Variants in IFT57 observed in about 807,000 individuals in gnomAD.
IFT57 encodes intraflagellar transport protein 57 homolog.
Under a neutral mutation model 56.8 loss-of-function variants are expected in IFT57, and 59 were observed. That is an observed-to-expected ratio of 1.04 (90% CI 0.84 to 1.29). The LOEUF (loss-of-function observed/expected upper bound fraction) is 1.29, where lower values mean the gene tolerates loss of function less well. Among genes scored for constraint, IFT57 ranks in the 50% most tolerant of loss-of-function variants. The probability of loss-of-function intolerance (pLI) is 0.00; values close to 1 mark genes in which losing one functional copy is unlikely to be tolerated. For missense variants in IFT57, 470 were observed against 522.1 expected (o/e 0.90, Z 0.97); for synonymous variants, 209 against 186.1 (o/e 1.12, Z -1.00).
intron 5 of IFT57, among the ~76,000 whole-genome samples, chr3:108,196,115 T>C (rs2080243244): frequency 6.6e-6 from 1 of 151,984 alleles, no homozygotes; most frequent in African/African-American, 2.4e-5. Flanking sequence ...CCCATAAATA[T>C]GCACTATGTG....
At chr3:108,202,523 G>T (rs573871583) in intron 5 of IFT57, among the ~76,000 whole-genome samples, 7 of 152,214 alleles carry the variant, frequency 4.6e-5, no homozygotes, top group African/African-American at 1.7e-4. Context: ...GGGTAGCTTT[G>T]GCTAAATTTC....
At chr3:108,166,054 G>A (rs2080060895) in intron 8 of IFT57, among the ~76,000 whole-genome samples, 1 of 152,004 alleles carries the variant, frequency 6.6e-6, no homozygotes, top group Non-Finnish European at 1.5e-5. Flanking sequence ...TGTATATGAA[G>A]GAATAATACA....
intron 6 of IFT57, among the ~76,000 whole-genome samples, chr3:108,179,747 T>C (rs1480440874): frequency 6.6e-6 from 1 of 152,014 alleles, no homozygotes; most frequent in African/African-American, 2.4e-5. Context: ...AAATGCCCAC[T>C]AGGTTGCAGG....
chr3:108,175,968 T>G (rs1049072638), intron 6 of IFT57, among the ~76,000 whole-genome samples: 1 of 151,810 alleles, frequency 6.6e-6, no homozygotes, highest in Non-Finnish European at 1.5e-5. Context: ...CATGGAGGTC[T>G]ATTCGCACTT....
At chr3:108,163,123 G>A (rs1379061665) in intron 10 of IFT57, among the ~76,000 whole-genome samples, 1 of 151,960 alleles carries the variant, frequency 6.6e-6, no homozygotes, top group Non-Finnish European at 1.5e-5. Flanking sequence ...ATTTTTCTAG[G>A]GCATAGAAAA....
At chr3:108,206,762 CCTATATGCTATACTAAG>C (rs1315475145) in intron 4 of IFT57, 66 bp from the exon 5 acceptor site, 3 of 452,976 alleles carry the variant, frequency 6.6e-6, no homozygotes. Flanking sequence ...CCAGTTTCCA[CCTATATGCTATACTAAG>C]CTATATTAAG....
intron 6 of IFT57, among the ~76,000 whole-genome samples, chr3:108,185,420 C>G (rs565661519): frequency 1.1e-3 from 172 of 151,954 alleles, no homozygotes; most frequent in African/African-American, 4.0e-3. Flanking sequence ...TTCCTAGGTG[C>G]CATTAAGAAT....
chr3:108,181,964 T>C (rs1168452479), intron 6 of IFT57, among the ~76,000 whole-genome samples: 5 of 152,064 alleles, frequency 3.3e-5, no homozygotes, highest in African/African-American at 1.2e-4. Flanking sequence ...ATTATTCAAA[T>C]AACAGGCAGA....
At chr3:108,195,278 C>T (rs57838153) in intron 5 of IFT57, among the ~76,000 whole-genome samples, 13,932 of 152,088 alleles carry the variant, frequency 0.092, 693 homozygotes, top group Middle Eastern at 0.12. Context: ...CACAAGATAC[C>T]ATTTTACCTC....
chr3:108,210,374 C>T (rs556569967), intron 4 of IFT57, among the ~76,000 whole-genome samples: 1 of 136,658 alleles, frequency 7.3e-6, no homozygotes, highest in Admixed American at 7.9e-5. Context: ...CACTCTGTTG[C>T]CCAGGCCGGA....
intron 5 of IFT57, among the ~76,000 whole-genome samples, chr3:108,200,980 T>G (rs1005648373): frequency 1.3e-5 from 2 of 152,174 alleles, no homozygotes; most frequent in Non-Finnish European, 2.9e-5. Context: ...AAATAAGAAA[T>G]GCATGAAGCC....
At chr3:108,167,019 C>T in intron 7 of IFT57, 34 bp from the exon 8 acceptor site, 20 of 1,575,998 alleles carry the variant, frequency 1.3e-5, no homozygotes, top group Non-Finnish European at 1.7e-5. Context: ...GATAGAAGAA[C>T]TCACAAACAT....
intron 6 of IFT57, among the ~76,000 whole-genome samples, chr3:108,190,559 T>C (rs1038249514): frequency 1.3e-5 from 2 of 152,346 alleles, no homozygotes; most frequent in East Asian, 3.9e-4. Context: ...TCTGCCATGA[T>C]TGTTTAAGTT....
At chr3:108,209,813 G>T (rs2080334282) in intron 4 of IFT57, among the ~76,000 whole-genome samples, 1 of 152,094 alleles carries the variant, frequency 6.6e-6, no homozygotes, top group Non-Finnish European at 1.5e-5. Flanking sequence ...GACTCAAACT[G>T]GGACTACCAT....
rs1174415212 is a variant in IFT57, at chr3:108,166,877, C to T, written c.958G>A (p.Ala320Thr). The stretch of plus-strand genomic sequence containing the variant: ...ACCTCACTCAGCTGGGCTTGAGCTG[C>T]ACGATATTCTTGAACCAAATTCTCA... ...QLENLVQEYR[A>T]AQAQLSEAKE... is the part of the protein sequence containing the mutation. The change falls in exon 8 of 11, where the codon GCA (alanine) becomes ACA (threonine). Residue 320 changes from alanine to threonine, a missense_variant. Ala to Thr is a moderately conservative substitution (Grantham distance 58). Transcript: ENST00000264538. The T allele has an allele frequency of 6.2e-7, 1 of 1,611,218 alleles. No homozygotes were observed. Among genetic ancestry groups the T allele is most frequent in the Non-Finnish European group, 8.5e-7 (1 of 1,178,426 alleles).
chr3:108,192,838 GT>G (rs920339549), intron 5 of IFT57, among the ~76,000 whole-genome samples: 11 of 151,422 alleles, frequency 7.3e-5, no homozygotes, highest in Non-Finnish European at 1.6e-4. Flanking sequence ...ACATGGCATG[GT>G]TTTTTTTAAA....
intron 5 of IFT57, among the ~76,000 whole-genome samples, chr3:108,202,254 A>T (rs1456392075): frequency 2.0e-5 from 3 of 152,192 alleles, no homozygotes; most frequent in Non-Finnish European, 4.4e-5. Context: ...GAGTTTCACA[A>T]GGGTGAAGGG....
intron 5 of IFT57, among the ~76,000 whole-genome samples, chr3:108,203,678 C>T (rs377588669): frequency 1.3e-5 from 2 of 152,260 alleles, no homozygotes. Flanking sequence ...CTCCTACATA[C>T]AAGACACTGG....
chr3:108,173,346 C>T (rs2080104891), intron 6 of IFT57, among the ~76,000 whole-genome samples: 3 of 151,718 alleles, frequency 2.0e-5, no homozygotes, highest in African/African-American at 7.3e-5. Context: ...ACACAGCTAA[C>T]TTCAGGTGGT....
Sources: allele counts gnomAD v4.1 joint callset (sites outside exome capture counted in the v4.1 genomes callset), GRCh38; gene constraint gnomAD v4.1.1; transcripts MANE v1.5; gene names NCBI Gene and HGNC (gene_info 2026-07-23, HGNC 2026-07-21).